The following SOHLH2 variants were observed in gnomAD, a reference collection of about 807,000 sequenced individuals.
SOHLH2 encodes the protein spermatogenesis- and oogenesis-specific basic helix-loop-helix-containing protein 2.
Under a neutral mutation model 50.4 loss-of-function variants are expected in SOHLH2, and 22 were observed. That is an observed-to-expected ratio of 0.44 (90% CI 0.31 to 0.62). SOHLH2 has a LOEUF of 0.62. Among genes scored for constraint, SOHLH2 ranks in the 20% least tolerant of loss-of-function variants. SOHLH2 has a pLI of 0.08. For synonymous variants in SOHLH2, 185 were observed against 187.3 expected (o/e 0.99, Z 0.10); for missense variants, 412 against 504.4 (o/e 0.82, Z 1.76).
In SOHLH2 at chr13:36,170,714, A is replaced by G; in HGVS notation, c.1074T>C (p.Ser358=). 1 of 1,614,236 alleles carries G rather than the reference A, an allele frequency of 6.2e-7. No individual in the cohort carries two copies. Residue 358 remains serine, a synonymous_variant, in exon 10 of 11, where the codon TCT becomes TCC. Coordinates refer to ENST00000379881, the MANE Select transcript of SOHLH2 (RefSeq NM_017826.3). The stretch of plus-strand genomic sequence containing the variant: ...ATCTGACAGTATGCAAGGAATTCAG[A>G]GACAGCGCTGCACTGGAAATGTGAG... ...YKTHISSAAL[S]LNSLHTVRYY...
chr13:36,214,381 G>T, intron 1 of SOHLH2, 98 bp downstream of exon 1: 2 of 1,414,376 alleles, frequency 1.4e-6, no homozygotes, highest in Non-Finnish European at 1.9e-6. Flanking sequence ...GACAATGAGA[G>T]CTCCCCAGGC....
At chr13:36,182,213 GA>G in intron 6 of SOHLH2, 1 of 985,374 alleles carries the variant, frequency 1.0e-6, no homozygotes, top group Non-Finnish European at 1.2e-6. Flanking sequence ...AATTCATGGG[GA>G]GAGAATTTTT....
chr13:36,201,104 G>A (rs992875776), intron 2 of SOHLH2, among the ~76,000 whole-genome samples: 61 of 149,728 alleles, frequency 4.1e-4, no homozygotes, highest in African/African-American at 1.5e-3. Flanking sequence ...ATGTGGAACT[G>A]CAAGACGAAA....
intron 2 of SOHLH2, among the ~76,000 whole-genome samples, chr13:36,200,894 C>A (rs1178244051): frequency 2.6e-5 from 4 of 151,540 alleles, no homozygotes; most frequent in African/African-American, 9.7e-5. Flanking sequence ...ACTAAAAATA[C>A]AAAAATTAGC....
Position 36,168,930 on chromosome 13 carries a change from G to T in SOHLH2, c.*104C>A. The T allele has an allele frequency of 6.7e-7, 1 of 1,498,942 alleles. No homozygotes were observed. 92.9% of individuals were successfully genotyped at this position (1,498,942 alleles called of 1,614,324 possible). On this transcript the variant is annotated 3_prime_UTR_variant, in exon 11 of 11. Coordinates refer to ENST00000379881, the MANE Select transcript of SOHLH2 (RefSeq NM_017826.3). ...AACCATGCCAACTCTTTTGATATTA[G>T]GTCTTTGGGTGGAGCTTTCAAAATC...
chr13:36,172,964 T>C (rs866828808), intron 9 of SOHLH2, among the ~76,000 whole-genome samples: 1 of 152,244 alleles, frequency 6.6e-6, no homozygotes, highest in East Asian at 1.9e-4. Context: ...CACAAACTGC[T>C]AGCTGTGTTC....
intron 6 of SOHLH2, among the ~76,000 whole-genome samples, chr13:36,189,712 T>C (rs753710839): frequency 3.0e-4 from 45 of 152,194 alleles, no homozygotes; most frequent in Non-Finnish European, 5.4e-4. Flanking sequence ...CAGAACACCT[T>C]TGAAGGCAGG....
intron 2 of SOHLH2, among the ~76,000 whole-genome samples, chr13:36,197,018 A>G (rs1046436218): frequency 1.3e-5 from 2 of 152,158 alleles, no homozygotes; most frequent in African/African-American, 4.8e-5. Flanking sequence ...TTTTTTGTGA[A>G]TGAATATTCC....
At chr13:36,201,304 GTA>G in intron 2 of SOHLH2, among the ~76,000 whole-genome samples, 1 of 152,224 alleles carries the variant, frequency 6.6e-6, no homozygotes, top group South Asian at 2.1e-4. Flanking sequence ...TTAAAAAGGA[GTA>G]TGTGTGGGAA....
intron 6 of SOHLH2, among the ~76,000 whole-genome samples, chr13:36,183,812 A>G (rs1887325769): frequency 6.6e-6 from 1 of 152,222 alleles, no homozygotes; most frequent in Non-Finnish European, 1.5e-5. Context: ...GTACTAGCAT[A>G]GAAAAATTAG....
chr13:36,181,775 T>C (rs78526619), intron 6 of SOHLH2, among the ~76,000 whole-genome samples: 5,422 of 152,320 alleles, frequency 0.036, 125 homozygotes, highest in East Asian at 0.077. Flanking sequence ...TGGTGCTATG[T>C]AGTCCTTCTA....
chr13:36,170,065 A>G (rs1004120773), intron 10 of SOHLH2, among the ~76,000 whole-genome samples: 2 of 152,210 alleles, frequency 1.3e-5, no homozygotes, highest in African/African-American at 2.4e-5. Flanking sequence ...TATCTGCTGT[A>G]TGAAGACACC....
intron 6 of SOHLH2, among the ~76,000 whole-genome samples, chr13:36,186,414 T>C (rs990123084): frequency 2.6e-5 from 4 of 152,186 alleles, no homozygotes; most frequent in Admixed American, 1.3e-4. Context: ...TCTGTATAAA[T>C]GTGTCTCAAA....
intron 1 of SOHLH2, among the ~76,000 whole-genome samples, chr13:36,210,050 C>T (rs1040411444): frequency 2.0e-5 from 3 of 152,232 alleles, no homozygotes; most frequent in African/African-American, 7.2e-5. Flanking sequence ...TTCCTTTCCT[C>T]TTTCAGTTAC....
intron 1 of SOHLH2, among the ~76,000 whole-genome samples, chr13:36,207,977 C>A (rs1233414349): frequency 6.6e-6 from 1 of 152,200 alleles, no homozygotes; most frequent in South Asian, 2.1e-4. Context: ...TGTTAAGTCA[C>A]TTGTTTATCC....
At chr13:36,213,539 G>C (rs893322085) in intron 1 of SOHLH2, among the ~76,000 whole-genome samples, 1 of 152,134 alleles carries the variant, frequency 6.6e-6, no homozygotes, top group Non-Finnish European at 1.5e-5. Flanking sequence ...TCCCCAGCTG[G>C]CCTTGCTTTC....
At chr13:36,195,676 T>TA (rs1887703419) in intron 2 of SOHLH2, among the ~76,000 whole-genome samples, 1 of 152,168 alleles carries the variant, frequency 6.6e-6, no homozygotes, top group Non-Finnish European at 1.5e-5. Context: ...GAGCTGATGG[T>TA]AAGGAAAGCG....
intron 6 of SOHLH2, among the ~76,000 whole-genome samples, chr13:36,175,665 C>T (rs913322804): frequency 3.3e-5 from 5 of 152,138 alleles, no homozygotes; most frequent in Non-Finnish European, 4.4e-5. Context: ...TAACTGGAAC[C>T]TTAGGCAAGT....
chr13:36,208,414 G>T (rs1361717822), intron 1 of SOHLH2, among the ~76,000 whole-genome samples: 1 of 151,720 alleles, frequency 6.6e-6, no homozygotes, highest in African/African-American at 2.4e-5. Flanking sequence ...CATTTATTTT[G>T]TTACTCAAAT....
Sources: gnomAD v4.1 joint callset for allele counts (sites outside exome capture counted in the v4.1 genomes callset) on GRCh38, gnomAD v4.1.1 for gene constraint, MANE v1.5 for transcripts, NCBI Gene and HGNC (gene_info 2026-07-23, HGNC 2026-07-21) for gene names.